Variants in CFAP58 observed in about 807,000 individuals in gnomAD.
CFAP58 encodes cilia- and flagella-associated protein 58.
CFAP58 carries 88 observed loss-of-function variants against 119.5 expected under a neutral mutation model. The observed-to-expected ratio is 0.74, with a 90% CI of 0.62 to 0.88. CFAP58 has a LOEUF of 0.88. Among genes scored for constraint, CFAP58 ranks in the 40% least tolerant of loss-of-function variants. The pLI is 0.00. For synonymous variants in CFAP58, 365 were observed against 366.3 expected, an observed-to-expected ratio of 1.00 and a Z score of 0.04; for missense variants, 990 against 1,021.2, an observed-to-expected ratio of 0.97 and a Z score of 0.42.
intron 6 of CFAP58, among the ~76,000 whole-genome samples, chr10:104,369,261 A>G (rs958020201): frequency 2.0e-5 from 3 of 152,226 alleles, no homozygotes; most frequent in African/African-American, 7.2e-5. Flanking sequence ...TGGGCAGAGA[A>G]CCATAACATT....
At chr10:104,407,971 C>T (rs575344237) in intron 15 of CFAP58, among the ~76,000 whole-genome samples, 10 of 152,222 alleles carry the variant, frequency 6.6e-5, no homozygotes, top group Non-Finnish European at 1.3e-4. Context: ...GCTGGGATTA[C>T]AGGCGTGAGC....
intron 1 of CFAP58, among the ~76,000 whole-genome samples, chr10:104,356,393 C>T (rs78517507): frequency 0.012 from 1,772 of 152,244 alleles, 46 homozygotes; most frequent in African/African-American, 0.041. Flanking sequence ...TGAAATTTTA[C>T]TTTATTATTG....
At chr10:104,342,583 A>G in the CFAP58 span, among the ~76,000 whole-genome samples, 3 of 151,640 alleles carry the variant, frequency 2.0e-5, no homozygotes, top group African/African-American at 7.3e-5. Context: ...CCGTAATCCC[A>G]GCACTTTGGG....
upstream of CFAP58, among the ~76,000 whole-genome samples, chr10:104,349,488 T>C (rs1451973347): frequency 3.9e-5 from 6 of 152,338 alleles, no homozygotes; most frequent in African/African-American, 1.4e-4. Context: ...GATACCAGTC[T>C]GATCGGCCTT....
chr10:104,374,872 C>G (rs1012846771), intron 7 of CFAP58, among the ~76,000 whole-genome samples: 2 of 149,174 alleles, frequency 1.3e-5, no homozygotes, highest in African/African-American at 4.9e-5. Flanking sequence ...GAAAAAGAAG[C>G]AACTTAAATG....
chr10:104,351,366 C>G (rs1263473488), upstream of CFAP58, among the ~76,000 whole-genome samples: 2 of 152,168 alleles, frequency 1.3e-5, no homozygotes, highest in African/African-American at 2.4e-5. Context: ...CAAACTTACT[C>G]TAAACATTAT....
intron 1 of CFAP58, among the ~76,000 whole-genome samples, chr10:104,354,779 A>T (rs2135238542): frequency 6.6e-6 from 1 of 152,376 alleles, no homozygotes; most frequent in Non-Finnish European, 1.5e-5. Context: ...AAGACAGAAC[A>T]GCAGAGCATT....
chr10:104,446,855 T>C (rs2013118729), intron 15 of CFAP58, among the ~76,000 whole-genome samples: 1 of 152,222 alleles, frequency 6.6e-6, no homozygotes, highest in Admixed American at 6.5e-5. Context: ...TTTCATATTG[T>C]TTATTGTTTA....
the CFAP58 span, among the ~76,000 whole-genome samples, chr10:104,339,691 C>T: frequency 6.6e-6 from 1 of 152,336 alleles, no homozygotes; most frequent in Non-Finnish European, 1.5e-5. Context: ...AATAGACTCC[C>T]TGGCCCTTGG....
intron 4 of CFAP58, among the ~76,000 whole-genome samples, chr10:104,365,459 G>A (rs2014728876): frequency 6.6e-6 from 1 of 152,068 alleles, no homozygotes; most frequent in Non-Finnish European, 1.5e-5. Flanking sequence ...TATACTTAGG[G>A]TAGCTAGCCA....
chr10:104,387,501 C>G (rs555125300), intron 9 of CFAP58, among the ~76,000 whole-genome samples: 3 of 152,238 alleles, frequency 2.0e-5, no homozygotes, highest in Non-Finnish European at 4.4e-5. Context: ...ATGCACTTCT[C>G]TCTTTAGGTT....
intron 9 of CFAP58, among the ~76,000 whole-genome samples, chr10:104,381,451 T>G (rs1384504904): frequency 1.3e-5 from 2 of 152,146 alleles, no homozygotes; most frequent in African/African-American, 4.8e-5. Flanking sequence ...GAGAAAAGTT[T>G]TAGTTACGAG....
chr10:104,390,276 A>G (rs2012005805), intron 9 of CFAP58, among the ~76,000 whole-genome samples: 2 of 152,202 alleles, frequency 1.3e-5, no homozygotes, highest in African/African-American at 2.4e-5. Flanking sequence ...CACCCACTCT[A>G]TAGGATATTA....
At chr10:104,342,517 A>T in the CFAP58 span, among the ~76,000 whole-genome samples, 1 of 152,080 alleles carries the variant, frequency 6.6e-6, no homozygotes, top group Non-Finnish European at 1.5e-5. Flanking sequence ...GTGCTAGATG[A>T]GGCTTCACAT....
chr10:104,447,952 G>C, intron 16 of CFAP58, 135 bp downstream of exon 16: 1 of 1,144,216 alleles, frequency 8.7e-7, no homozygotes, highest in Non-Finnish European at 1.2e-6. Context: ...CTCCCTTAGA[G>C]CTCTAGTCTA....
intron 16 of CFAP58, among the ~76,000 whole-genome samples, chr10:104,448,525 C>T (rs2013144094): frequency 6.6e-6 from 1 of 152,228 alleles, no homozygotes; most frequent in Non-Finnish European, 1.5e-5. Context: ...GGAAGTTTTA[C>T]ACACACAGCC....
chr10:104,418,599 A>T (rs1446353564), intron 15 of CFAP58, among the ~76,000 whole-genome samples: 1 of 152,182 alleles, frequency 6.6e-6, no homozygotes. Flanking sequence ...TCGAGAACAG[A>T]GCCCCTCACC....
At chr10:104,417,875 T>C (rs1402827891) in intron 15 of CFAP58, among the ~76,000 whole-genome samples, 2 of 152,150 alleles carry the variant, frequency 1.3e-5, no homozygotes, top group Non-Finnish European at 2.9e-5. Context: ...CCCAAGAGCT[T>C]GTGGTTAAGA....
intron 15 of CFAP58, among the ~76,000 whole-genome samples, chr10:104,415,764 G>A (rs1032418625): frequency 3.9e-5 from 6 of 152,138 alleles, no homozygotes; most frequent in African/African-American, 1.4e-4. Context: ...TTGCCAATCT[G>A]ACTTTAGAAA....
Sources: gnomAD v4.1 joint callset for allele counts (sites outside exome capture counted in the v4.1 genomes callset) on GRCh38, gnomAD v4.1.1 for gene constraint, MANE v1.5 for transcripts, NCBI Gene and HGNC (gene_info 2026-07-23, HGNC 2026-07-21) for gene names.